The following TBC1D32 variants were observed in gnomAD, a reference collection of about 807,000 sequenced individuals.
The protein encoded by TBC1D32 is protein broad-minded.
A neutral mutation model predicts 170.3 loss-of-function variants in TBC1D32; 151 were observed. The observed-to-expected ratio is 0.89, with a 90% CI of 0.78 to 1.01. The LOEUF (loss-of-function observed/expected upper bound fraction) is 1.01. Among genes scored for constraint, TBC1D32 ranks in the 50% least tolerant of loss-of-function variants. The pLI is 0.00. For synonymous variants in TBC1D32, 498 were observed against 488.0 expected (o/e 1.02, Z -0.27); for missense variants, 1,464 against 1,457.1 (o/e 1.00, Z -0.08).
intron 1 of TBC1D32, among the ~76,000 whole-genome samples, chr6:121,331,480 A>G (rs894861846): frequency 6.6e-6 from 1 of 151,824 alleles, no homozygotes; most frequent in African/African-American, 2.4e-5. Context: ...TTGGCCTCTC[A>G]AAGTGCTGGG....
intron 15 of TBC1D32, among the ~76,000 whole-genome samples, chr6:121,263,593 G>A (rs1277892605): frequency 2.0e-5 from 3 of 152,082 alleles, no homozygotes; most frequent in African/African-American, 7.2e-5. Flanking sequence ...GGATCAAGAG[G>A]ACCTAATAGA....
chr6:121,224,787 T>C (rs973425497), intron 20 of TBC1D32, among the ~76,000 whole-genome samples: 2 of 152,110 alleles, frequency 1.3e-5, no homozygotes, highest in African/African-American at 4.8e-5. Flanking sequence ...AATGAATATA[T>C]TTAACACACA....
rs553847159 is a variant in TBC1D32 at position 121,304,962 on chromosome 6, A to G, written c.691-129T>C. 1.1e-5 allele frequency: 7 copies of G among 654,738 alleles called. No homozygotes were observed. In the African/African-American group the frequency reaches 1.1e-4, roughly 10 times the overall value. The allele number at this position is 654,738 out of a possible 1,614,324, so 40.6% of individuals were successfully genotyped here. On this transcript the variant is annotated intron_variant, in intron 5 of 31. Coordinates refer to ENST00000398212, the MANE Select transcript of TBC1D32 (RefSeq NM_152730.6). ...AATAAACCATTCAGAAACTAGAGTC[A>G]GAATGTACTTATTTAAAAAGGGCAC...
At chr6:121,268,346 A>G (rs1800846099) in intron 15 of TBC1D32, among the ~76,000 whole-genome samples, 1 of 152,162 alleles carries the variant, frequency 6.6e-6, no homozygotes, top group African/African-American at 2.4e-5. Flanking sequence ...CCCATTGCAA[A>G]CAAGCTAAAA....
intron 23 of TBC1D32, among the ~76,000 whole-genome samples, chr6:121,160,377 T>C (rs1039522094): frequency 2.3e-5 from 1 of 42,558 alleles, no homozygotes; most frequent in Non-Finnish European, 1.7e-4. Flanking sequence ...AAATTTACTG[T>C]GTTTTTTTTC....
At chr6:121,101,246 C>T (rs1437767685) in intron 30 of TBC1D32, among the ~76,000 whole-genome samples, 1 of 152,080 alleles carries the variant, frequency 6.6e-6, no homozygotes, top group Non-Finnish European at 1.5e-5. Context: ...ATGAGGCCAG[C>T]ATCATCCTGA....
chr6:121,123,072 T>C (rs1272104324), intron 26 of TBC1D32, among the ~76,000 whole-genome samples: 2 of 152,064 alleles, frequency 1.3e-5, no homozygotes, highest in African/African-American at 4.8e-5. Flanking sequence ...CAAGTAGAGA[T>C]ATCAACTAAA....
intron 9 of TBC1D32, 116 bp from the exon 10 acceptor site, chr6:121,299,621 C>T (rs1806163937): frequency 9.8e-7 from 1 of 1,018,994 alleles, no homozygotes; most frequent in Non-Finnish European, 1.4e-6. Context: ...GGTTTAAACC[C>T]TTATAGTCAA....
chr6:121,162,070 A>C (rs1221042487), intron 22 of TBC1D32, among the ~76,000 whole-genome samples: 1 of 152,174 alleles, frequency 6.6e-6, no homozygotes, highest in Non-Finnish European at 1.5e-5. Context: ...TTCCTTGTAC[A>C]TGCTGGATAT....
chr6:121,190,691 A>G (rs1025920153), intron 22 of TBC1D32, among the ~76,000 whole-genome samples: 3 of 152,182 alleles, frequency 2.0e-5, no homozygotes, highest in South Asian at 2.1e-4. Flanking sequence ...CACCAGAAAC[A>G]TGATAACTCT....
chr6:121,322,417 T>A (rs1209450415), intron 1 of TBC1D32, among the ~76,000 whole-genome samples: 6 of 152,202 alleles, frequency 3.9e-5, no homozygotes, highest in Admixed American at 3.9e-4. Flanking sequence ...CCATGTGATG[T>A]TTATTCCCAA....
intron 10 of TBC1D32, among the ~76,000 whole-genome samples, chr6:121,299,225 TA>T (rs2128472821): frequency 6.6e-6 from 1 of 152,238 alleles, no homozygotes; most frequent in African/African-American, 2.4e-5. Context: ...ACTATATATA[TA>T]AAACATATTT....
At chr6:121,237,651 A>G (rs73526615) in intron 20 of TBC1D32, among the ~76,000 whole-genome samples, 7,374 of 151,944 alleles carry the variant, frequency 0.049, 539 homozygotes, top group African/African-American at 0.15. Context: ...GGCCATGTAG[A>G]AATTTTTATT....
chr6:121,310,841 T>C lies in TBC1D32; in HGVS notation c.502A>G (p.Lys168Glu). The C allele has an allele frequency of 1.9e-6, 3 of 1,558,256 alleles. No individual in the cohort carries two copies. Residue 168 changes from lysine to glutamate, a missense_variant, in exon 4 of 32, where the codon AAA (lysine) becomes GAA (glutamate). Lys to Glu is a moderately conservative substitution (Grantham distance 56, BLOSUM62 1). Around this residue, in one of 3 missense-constraint regions of TBC1D32, gnomAD observed 1,363 missense variants for 1,338.1 expected, o/e 1.02. Transcript: ENST00000398212. Reference protein sequence around the residue: ...DSDSSLNQSYKFCQGKLQLIL... With the variant: ...DSDSSLNQSYEFCQGKLQLIL... Reference sequence around the variant, plus strand: ...AATTGTAATTTTCCTTGACAAAATTTGTAACTCTGTAACACAATTGTCAGG... The same window carrying C: ...AATTGTAATTTTCCTTGACAAAATTCGTAACTCTGTAACACAATTGTCAGG...
At chr6:121,326,842 G>A (rs1810518468) in intron 1 of TBC1D32, among the ~76,000 whole-genome samples, 2 of 151,940 alleles carry the variant, frequency 1.3e-5, no homozygotes, top group Admixed American at 1.3e-4. Flanking sequence ...CATAGCTAAG[G>A]GTATTCTACT....
intron 30 of TBC1D32, among the ~76,000 whole-genome samples, chr6:121,093,072 C>G (rs1326368170): frequency 6.6e-6 from 1 of 152,088 alleles, no homozygotes; most frequent in Non-Finnish European, 1.5e-5. Flanking sequence ...AGTTTTAACT[C>G]AATATTAAAT....
Position 121,131,717 on chromosome 6 carries a change from T to C in TBC1D32, c.2809A>G (p.Ile937Val), listed in dbSNP as rs918585761. The C allele has an allele frequency of 3.1e-6, 5 of 1,607,116 alleles. No homozygotes were observed. Among genetic ancestry groups the C allele is most frequent in the Non-Finnish European group, 4.3e-6 (5 of 1,175,394 alleles). The change falls in exon 25 of 32, where the codon ATA (isoleucine) becomes GTA (valine). Residue 937 changes from isoleucine (I) to valine (V), a missense_variant. Around this residue, in one of 3 missense-constraint regions of TBC1D32, gnomAD observed 1,363 missense variants for 1,338.1 expected, o/e 1.02. Coordinates refer to ENST00000398212, the MANE Select transcript of TBC1D32 (RefSeq NM_152730.6). ...DLDKLLLCLK[I>V]SDKQTEWIEN... ...ATCCATTCAGTTTGTTTATCAGATA[T>C]TTTGAGGCATAATAAAAGCTTGTCA... is the stretch of plus-strand genomic sequence containing the variant.
chr6:121,204,901 C>T (rs954712004), intron 22 of TBC1D32, among the ~76,000 whole-genome samples, 174 bp downstream of exon 22: 1 of 152,118 alleles, frequency 6.6e-6, no homozygotes, highest in Non-Finnish European at 1.5e-5. Context: ...CCATGGTACA[C>T]ATATCTAATT....
intron 30 of TBC1D32, among the ~76,000 whole-genome samples, chr6:121,091,921 AGGCAGAC>A (rs1776845579): frequency 1.3e-5 from 2 of 152,298 alleles, no homozygotes; most frequent in South Asian, 4.1e-4. Flanking sequence ...TCACAAAGAC[AGGCAGAC>A]AAAAGGAAGA....
Sources: allele counts gnomAD v4.1 joint callset (sites outside exome capture counted in the v4.1 genomes callset), GRCh38; gene constraint gnomAD v4.1.1; regional missense constraint gnomAD v4.1.1; transcripts MANE v1.5; gene names NCBI Gene and HGNC (gene_info 2026-07-23, HGNC 2026-07-21).